HEMK2: variants seen among roughly 807,000 people sequenced by gnomAD.
HEMK2 encodes the protein HemK methyltransferase 2, ETF1 glutamine and histone H4 lysine.
the HEMK2 span, among the ~76,000 whole-genome samples, chr21:28,581,442 T>C: frequency 2.9e-5 from 4 of 140,336 alleles, no homozygotes; most frequent in African/African-American, 5.4e-5. Context: ...GCAGAAGGAG[T>C]CTGGACTGAG....
At chr21:28,867,696 T>C in the HEMK2 span, among the ~76,000 whole-genome samples, 2 of 152,198 alleles carry the variant, frequency 1.3e-5, no homozygotes, top group African/African-American at 2.4e-5. Flanking sequence ...GGGGGTAACA[T>C]GGATGGGCCC....
At chr21:28,808,816 A>T in the HEMK2 span, among the ~76,000 whole-genome samples, 1 of 152,144 alleles carries the variant, frequency 6.6e-6, no homozygotes, top group Non-Finnish European at 1.5e-5. Context: ...AATAAAGACA[A>T]TTTTACTTTT....
chr21:28,631,194 C>T, the HEMK2 span, among the ~76,000 whole-genome samples: 1 of 152,160 alleles, frequency 6.6e-6, no homozygotes, highest in African/African-American at 2.4e-5. Context: ...ACCAGCTGGT[C>T]CAGTCCCAGG....
the HEMK2 span, among the ~76,000 whole-genome samples, chr21:28,576,106 T>C: frequency 6.6e-5 from 10 of 152,198 alleles, no homozygotes; most frequent in Non-Finnish European, 1.0e-4. Context: ...TATAAGTACG[T>C]AGGAAAAGAA....
the HEMK2 span, among the ~76,000 whole-genome samples, chr21:28,847,523 T>C: frequency 6.6e-6 from 1 of 152,216 alleles, no homozygotes; most frequent in African/African-American, 2.4e-5. Context: ...ATATTAGATA[T>C]TTTTCAGATG....
At chr21:28,741,085 G>C in the HEMK2 span, among the ~76,000 whole-genome samples, 1 of 152,106 alleles carries the variant, frequency 6.6e-6, no homozygotes, top group Non-Finnish European at 1.5e-5. Flanking sequence ...TGCTCACCAA[G>C]CCAGCTCCAA....
At chr21:28,828,560 C>T in the HEMK2 span, among the ~76,000 whole-genome samples, 4 of 152,178 alleles carry the variant, frequency 2.6e-5, no homozygotes, top group South Asian at 2.1e-4. Context: ...AACTAAGAAG[C>T]TACTAGACAC....
the HEMK2 span, among the ~76,000 whole-genome samples, chr21:28,654,184 G>T: frequency 3.3e-5 from 5 of 152,110 alleles, no homozygotes; most frequent in Non-Finnish European, 5.9e-5. Flanking sequence ...CTTGAAGGCC[G>T]ATCAGAACAG....
the HEMK2 span, among the ~76,000 whole-genome samples, chr21:28,740,236 A>G: frequency 6.6e-6 from 1 of 152,220 alleles, no homozygotes; most frequent in Non-Finnish European, 1.5e-5. Context: ...AAGCTATTCC[A>G]TGAAGCAGGT....
the HEMK2 span, among the ~76,000 whole-genome samples, chr21:28,857,574 T>C: frequency 6.6e-6 from 1 of 152,222 alleles, no homozygotes. Flanking sequence ...TATCATTTAA[T>C]ACAGATTTAT....
chr21:28,672,842 T>C, the HEMK2 span, among the ~76,000 whole-genome samples: 19 of 152,200 alleles, frequency 1.2e-4, no homozygotes, highest in South Asian at 3.7e-3. Context: ...GTGAGCTAAG[T>C]CTCAGCTCTT....
the HEMK2 span, among the ~76,000 whole-genome samples, chr21:28,827,210 T>A: frequency 6.6e-6 from 1 of 152,114 alleles, no homozygotes. Context: ...AATTAACAAG[T>A]AATTGCAGTA....
the HEMK2 span, among the ~76,000 whole-genome samples, chr21:28,745,194 A>C: frequency 6.6e-6 from 1 of 152,332 alleles, no homozygotes; most frequent in South Asian, 2.1e-4. Context: ...AAGAGCTTAC[A>C]AGATGGAAGC....
the HEMK2 span, among the ~76,000 whole-genome samples, chr21:28,587,738 A>T: frequency 1.2e-3 from 190 of 152,298 alleles, 1 homozygote; most frequent in African/African-American, 4.3e-3. Context: ...CTCTTCACTT[A>T]CTATATAATG....
the HEMK2 span, among the ~76,000 whole-genome samples, chr21:28,654,349 C>T: frequency 6.6e-6 from 1 of 152,166 alleles, no homozygotes; most frequent in Non-Finnish European, 1.5e-5. Context: ...AGTCTACTAA[C>T]AGCTTTCATG....
the HEMK2 span, among the ~76,000 whole-genome samples, chr21:28,584,914 C>A: frequency 6.6e-6 from 1 of 151,920 alleles, no homozygotes; most frequent in East Asian, 1.9e-4. Context: ...AAAGAAAAAG[C>A]CAAAGCTGAG....
the HEMK2 span, among the ~76,000 whole-genome samples, chr21:28,797,318 G>C: frequency 6.6e-6 from 1 of 152,052 alleles, no homozygotes. Flanking sequence ...AAGGAAGGCC[G>C]GAACCAGTGG....
chr21:28,698,448 A>C, the HEMK2 span, among the ~76,000 whole-genome samples: 1 of 152,206 alleles, frequency 6.6e-6, no homozygotes, highest in African/African-American at 2.4e-5. Flanking sequence ...TATAATTGTA[A>C]TTACTTGTAT....
chr21:28,877,190 GGAA>G, the HEMK2 span, among the ~76,000 whole-genome samples: 1 of 127,656 alleles, frequency 7.8e-6, no homozygotes, highest in Non-Finnish European at 1.7e-5. Context: ...GAGGGAGGGA[GGAA>G]GGAAGGGAGG....
Sources: allele counts gnomAD v4.1 joint callset (sites outside exome capture counted in the v4.1 genomes callset), GRCh38; gene constraint gnomAD v4.1.1; transcripts MANE v1.5; gene names NCBI Gene and HGNC (gene_info 2026-07-23, HGNC 2026-07-21).